The following ACVR1C variants were observed in gnomAD, a reference collection of about 807,000 sequenced individuals.
The protein encoded by ACVR1C is activin receptor type-1C.
In ACVR1C, 23 loss-of-function variants were observed where a neutral mutation model predicts 57.9. The observed-to-expected ratio is 0.40, with a 90% confidence interval of 0.29 to 0.56. ACVR1C has a LOEUF of 0.56. Among genes scored for constraint, ACVR1C ranks in the 20% least tolerant of loss-of-function variants. The pLI is 0.50. For missense variants in ACVR1C, 480 were observed against 607.9 expected (o/e 0.79, Z 2.21); for synonymous variants, 214 against 215.3 (o/e 0.99, Z 0.05).
chr2:157,541,932 T>A (rs1402563981), intron 6 of ACVR1C, among the ~76,000 whole-genome samples: 1 of 152,204 alleles, frequency 6.6e-6, no homozygotes, highest in Non-Finnish European at 1.5e-5. Flanking sequence ...CAAAGTAATG[T>A]AGAGCCTGAA....
At chr2:157,611,669 C>T (rs1302728381) in intron 1 of ACVR1C, among the ~76,000 whole-genome samples, 1 of 152,108 alleles carries the variant, frequency 6.6e-6, no homozygotes, top group Non-Finnish European at 1.5e-5. Flanking sequence ...GTAGACCAGT[C>T]CCCAGGCTCC....
intron 1 of ACVR1C, among the ~76,000 whole-genome samples, chr2:157,611,979 A>G (rs185481891): frequency 2.6e-5 from 4 of 152,320 alleles, no homozygotes; most frequent in Admixed American, 2.0e-4. Flanking sequence ...CATTCATGCT[A>G]TTGGGATAAA....
At chr2:157,546,479 T>G (rs181315270) in intron 4 of ACVR1C, among the ~76,000 whole-genome samples, 1 of 152,312 alleles carries the variant, frequency 6.6e-6, no homozygotes, top group East Asian at 1.9e-4. Context: ...TTATATTAGA[T>G]AAAATTAACT....
intron 2 of ACVR1C, among the ~76,000 whole-genome samples, chr2:157,584,599 G>T (rs530684320): frequency 6.6e-6 from 1 of 152,066 alleles, no homozygotes; most frequent in Non-Finnish European, 1.5e-5. Flanking sequence ...ACCAAGTGTT[G>T]GCAAGAATAT....
Position 157,628,727 on chromosome 2 carries a change from C to A in ACVR1C, c.-83G>T. The stretch of plus-strand genomic sequence containing the variant: ...GGCAGCACGGCCCGCTTTGAAGTTC[C>A]CGGGCCGCGGGAGGGGAGCGCGGCA... On this transcript the variant is annotated 5_prime_UTR_variant, in exon 1 of 9. Coordinates refer to ENST00000243349, the MANE Select transcript of ACVR1C (RefSeq NM_145259.3). 1 of 1,269,782 alleles carries A rather than the reference C, an allele frequency of 7.9e-7. No homozygotes were observed. The highest frequency in any genetic ancestry group is 1.0e-6 in the Non-Finnish European group (1 of 959,470). 78.7% of individuals were successfully genotyped at this position (1,269,782 alleles called of 1,614,324 possible).
At chr2:157,542,308 G>T (rs1687643915) in intron 6 of ACVR1C, among the ~76,000 whole-genome samples, 1 of 152,066 alleles carries the variant, frequency 6.6e-6, no homozygotes, top group African/African-American at 2.4e-5. Flanking sequence ...CTGTTGTATA[G>T]AATCTGAGTA....
At chr2:157,588,968 G>C (rs1489367242) in intron 1 of ACVR1C, among the ~76,000 whole-genome samples, 2 of 149,422 alleles carry the variant, frequency 1.3e-5, no homozygotes, top group Non-Finnish European at 3.0e-5. Flanking sequence ...CGGTTGATGG[G>C]CACTTAAATT....
At chr2:157,601,828 T>C (rs1682289379) in intron 1 of ACVR1C, among the ~76,000 whole-genome samples, 1 of 152,282 alleles carries the variant, frequency 6.6e-6, no homozygotes, top group South Asian at 2.1e-4. Context: ...GGGATAATAA[T>C]TCCTATCTCA....
intron 2 of ACVR1C, among the ~76,000 whole-genome samples, chr2:157,565,857 AT>A (rs1470463039): frequency 6.6e-6 from 1 of 152,148 alleles, no homozygotes; most frequent in Non-Finnish European, 1.5e-5. Context: ...GAGGCTGCAA[AT>A]CTTCTTTTAT....
chr2:157,628,789 A>G lies in ACVR1C; in HGVS notation c.-145T>C. 1 of 579,166 alleles carries G rather than the reference A, an allele frequency of 1.7e-6. No homozygotes were observed. Among genetic ancestry groups the G allele is most frequent in the Non-Finnish European group, 2.7e-6 (1 of 369,170 alleles). The allele number at this position is 579,166 out of a possible 1,614,324, so 35.9% of individuals were successfully genotyped here. A position where few individuals can be genotyped will look rare whatever the true frequency, so the allele number is the denominator to read the frequency against. ...TTGAAGTGCGCGGTTGGCTCTAGTCAGTGTGGGCGCCCCCCTCCCCGGCCG... is the reference window on the plus strand; with the variant it reads ...TTGAAGTGCGCGGTTGGCTCTAGTCGGTGTGGGCGCCCCCCTCCCCGGCCG... On this transcript the variant is annotated 5_prime_UTR_variant, in exon 1 of 9. Transcript: ENST00000243349.
At chr2:157,537,092 G>T (rs78579778) in intron 8 of ACVR1C, among the ~76,000 whole-genome samples, 6,711 of 152,050 alleles carry the variant, frequency 0.044, 214 homozygotes, top group Non-Finnish European at 0.07. Context: ...ATTTTGAAAA[G>T]AATATCTACA....
intron 8 of ACVR1C, among the ~76,000 whole-genome samples, chr2:157,537,832 A>AT (rs1189014285): frequency 6.6e-6 from 1 of 152,202 alleles, no homozygotes; most frequent in Non-Finnish European, 1.5e-5. Flanking sequence ...CTATCTTCAC[A>AT]TAAGGCATAA....
intron 1 of ACVR1C, among the ~76,000 whole-genome samples, chr2:157,622,128 C>T (rs1682789510): frequency 6.6e-6 from 1 of 151,924 alleles, no homozygotes; most frequent in South Asian, 2.1e-4. Flanking sequence ...ATTTCTTCAA[C>T]AAGGTAAGGA....
intron 4 of ACVR1C, among the ~76,000 whole-genome samples, chr2:157,546,045 G>A (rs777963605): frequency 5.3e-5 from 8 of 152,142 alleles, no homozygotes; most frequent in Non-Finnish European, 8.8e-5. Flanking sequence ...GCCTCCCGAA[G>A]TGCTGGGATT....
At chr2:157,547,828 T>A (rs1002095952) in intron 4 of ACVR1C, among the ~76,000 whole-genome samples, 6 of 151,962 alleles carry the variant, frequency 3.9e-5, no homozygotes, top group African/African-American at 1.2e-4. Context: ...TTTAATTAGA[T>A]CCCATTTGTC....
intron 4 of ACVR1C, among the ~76,000 whole-genome samples, chr2:157,546,870 GGTTA>G (rs1687767780): frequency 6.6e-6 from 1 of 151,352 alleles, no homozygotes. Context: ...ACATTGTGCA[GGTTA>G]GTTACATATG....
chr2:157,538,941 TAAG>T (rs1019781581), intron 7 of ACVR1C, among the ~76,000 whole-genome samples: 2 of 149,286 alleles, frequency 1.3e-5, no homozygotes, highest in Non-Finnish European at 3.0e-5. Context: ...AAAATTTATA[TAAG>T]ATTATATAAA....
At chr2:157,534,072 CTT>C in intron 8 of ACVR1C, 29 bp from the exon 9 acceptor site, 1 of 1,486,146 alleles carries the variant, frequency 6.7e-7, no homozygotes, top group Non-Finnish European at 8.9e-7. Context: ...AAATCAAAGA[CTT>C]TAGCTACTCT....
chr2:157,575,516 G>A (rs1199221771), intron 2 of ACVR1C, among the ~76,000 whole-genome samples: 1 of 152,138 alleles, frequency 6.6e-6, no homozygotes, highest in Non-Finnish European at 1.5e-5. Context: ...AGATCCCCCT[G>A]CCTGGGCTTC....
Sources: gnomAD v4.1 joint callset for allele counts (sites outside exome capture counted in the v4.1 genomes callset) on GRCh38, gnomAD v4.1.1 for gene constraint, MANE v1.5 for transcripts, NCBI Gene and HGNC (gene_info 2026-07-23, HGNC 2026-07-21) for gene names.